The following EPG5 variants were observed in gnomAD, a reference collection of about 807,000 sequenced individuals.
EPG5 encodes ectopic P granules protein 5 homolog.
EPG5 carries 159 observed loss-of-function variants against 302.7 expected under a neutral mutation model. The observed-to-expected ratio is 0.53, with a 90% confidence interval of 0.46 to 0.60. The LOEUF is 0.60. Among genes scored for constraint, EPG5 ranks in the 20% least tolerant of loss-of-function variants. EPG5 has a pLI of 0.00. For synonymous variants in EPG5, 1,158 were observed against 1,136.8 expected (o/e 1.02, Z -0.37); for missense variants, 2,896 against 3,092.4 (o/e 0.94, Z 1.51).
At position 45,915,584 on chromosome 18, in the gene EPG5, G is replaced by A; in HGVS notation, c.3620C>T (p.Ser1207Leu). The A allele has an allele frequency of 6.2e-7, 1 of 1,614,186 alleles. No individual in the cohort carries two copies. Among genetic ancestry groups the A allele is most frequent in the Non-Finnish European group, 8.5e-7 (1 of 1,180,030 alleles). Residue 1207 changes from serine to leucine, a missense_variant, in exon 20 of 44, where the codon TCA (serine) becomes TTA (leucine). Ser to Leu is a moderately radical substitution (Grantham distance 145). Around this residue, in one of 5 missense-constraint regions of EPG5, gnomAD observed 1,390 missense variants for 1,430.0 expected, o/e 0.97. Transcript: ENST00000282041. ...LGYHCDRSLLSSLVSWIVAGN... is the reference protein window; with the variant it reads ...LGYHCDRSLLLSLVSWIVAGN... Reference sequence around the variant, plus strand: ...TGCCACAATCCAGCTTACCAAAGATGAGAGCAGACTCCGGTCACAGTGGTA... The same window carrying A: ...TGCCACAATCCAGCTTACCAAAGATAAGAGCAGACTCCGGTCACAGTGGTA...
intron 25 of EPG5, among the ~76,000 whole-genome samples, chr18:45,902,398 C>T (rs1568136700): frequency 6.6e-6 from 1 of 152,098 alleles, no homozygotes; most frequent in Non-Finnish European, 1.5e-5. Context: ...TTTCAAGCAA[C>T]ATAAGAGGCC....
chr18:45,838,784 C>T, the EPG5 span: 3 of 1,568,052 alleles, frequency 1.9e-6, no homozygotes, highest in Non-Finnish European at 1.7e-6. Context: ...GCGCTCTGCA[C>T]TGCCGAAGGG....
chr18:45,831,588 T>C, the EPG5 span, among the ~76,000 whole-genome samples: 1 of 152,204 alleles, frequency 6.6e-6, no homozygotes, highest in Non-Finnish European at 1.5e-5. Flanking sequence ...CTCTAGCACA[T>C]GGTAAACTCT....
chr18:45,803,650 A>T, the EPG5 span, among the ~76,000 whole-genome samples: 1 of 152,314 alleles, frequency 6.6e-6, no homozygotes, highest in African/African-American at 2.4e-5. Context: ...AATTCCATGT[A>T]TAAAGTCTGC....
chr18:45,845,890 A>T (rs2048359401), downstream of EPG5, among the ~76,000 whole-genome samples: 1 of 152,160 alleles, frequency 6.6e-6, no homozygotes, highest in Non-Finnish European at 1.5e-5. Flanking sequence ...TGCCAACTGA[A>T]ATTTAAAACT....
chr18:45,814,980 C>A, the EPG5 span, among the ~76,000 whole-genome samples: 3 of 152,174 alleles, frequency 2.0e-5, no homozygotes, highest in Non-Finnish European at 4.4e-5. Flanking sequence ...TTTATTTTCA[C>A]CCTTCTCAGT....
the EPG5 span, among the ~76,000 whole-genome samples, chr18:45,832,146 T>C: frequency 2.0e-5 from 3 of 152,354 alleles, no homozygotes; most frequent in Middle Eastern, 3.4e-3. Flanking sequence ...GCATTTGCTG[T>C]GTGTGAGGCA....
intron 40 of EPG5, among the ~76,000 whole-genome samples, chr18:45,859,164 C>T (rs2048580672): frequency 1.3e-5 from 2 of 152,256 alleles, no homozygotes; most frequent in Admixed American, 1.3e-4. Context: ...TTTTTAAGAA[C>T]ATATGAACAC....
Position 45,946,749 on chromosome 18 carries a change from A to T in EPG5, c.1591T>A (p.Cys531Ser). ...SPVKNRAEFMCHMKPSERKPS... is the reference protein window; with the variant it reads ...SPVKNRAEFMSHMKPSERKPS... ...TTCCGCTCGCTGGGCTTCATGTGGC[A>T]CATAAACTCAGCTCGATTTCTAAAG... Residue 531 changes from cysteine to serine, a missense_variant, in exon 7 of 44, where the codon TGC becomes AGC. Physicochemically the swap from Cys to Ser is moderately radical, Grantham distance 112 (BLOSUM62 -1). This residue lies in a region of EPG5 where 1,390 missense variants were observed against 1,430.0 expected (regional missense o/e 0.97). Coordinates refer to ENST00000282041, the MANE Select transcript of EPG5 (RefSeq NM_020964.3). The T allele has an allele frequency of 1.2e-6, 2 of 1,614,186 alleles. No individual in the cohort carries two copies. Among genetic ancestry groups the T allele is most frequent in the Non-Finnish European group, 8.5e-7 (1 of 1,180,012 alleles).
chr18:45,966,389 A>C (rs1229669449), intron 1 of EPG5, among the ~76,000 whole-genome samples: 1 of 148,508 alleles, frequency 6.7e-6, no homozygotes, highest in African/African-American at 2.6e-5. Flanking sequence ...AAAAAAAAAA[A>C]AAATACATAT....
chr18:45,812,677 C>A, the EPG5 span, among the ~76,000 whole-genome samples: 39 of 152,144 alleles, frequency 2.6e-4, no homozygotes, highest in Admixed American at 6.5e-5. Flanking sequence ...GAAAGGATTC[C>A]CTATTTAATA....
At chr18:45,868,809 A>G (rs948536692) in intron 36 of EPG5, among the ~76,000 whole-genome samples, 47 of 152,016 alleles carry the variant, frequency 3.1e-4, no homozygotes, top group African/African-American at 1.1e-3. Flanking sequence ...TAATCCCAGC[A>G]CTTTGGGAGG....
intron 28 of EPG5, among the ~76,000 whole-genome samples, chr18:45,888,313 A>ATT (rs199641660): frequency 2.3e-4 from 35 of 150,342 alleles, no homozygotes; most frequent in African/African-American, 8.3e-4. Flanking sequence ...TTATTTATTT[A>ATT]TTTATTTTTT....
rs190407552 is a variant in EPG5, at chr18:45,961,635, C to T, written c.63+5542G>A. Among the ~76,000 whole-genome samples, 25 of 152,186 alleles carry T rather than the reference C, an allele frequency of 1.6e-4. No homozygotes were observed. In the East Asian group the frequency reaches 2.5e-3, roughly 15 times the overall value. On this transcript the variant is annotated intron_variant, in intron 1 of 43. Transcript: ENST00000282041. Reference sequence around the variant, plus strand: ...CAGCACTTTGGGAGGCCAAGGTAGGCGGATCACCTGAGGTCAGGAGTTCGA... The same window carrying T: ...CAGCACTTTGGGAGGCCAAGGTAGGTGGATCACCTGAGGTCAGGAGTTCGA...
intron 25 of EPG5, among the ~76,000 whole-genome samples, chr18:45,901,808 T>A (rs1034580722): frequency 6.6e-6 from 1 of 151,690 alleles, no homozygotes; most frequent in Non-Finnish European, 1.5e-5. Context: ...AAGGTGAATC[T>A]CTACCATGCA....
At chr18:45,895,101 G>A (rs1289395989) in intron 27 of EPG5, among the ~76,000 whole-genome samples, 1 of 152,162 alleles carries the variant, frequency 6.6e-6, no homozygotes, top group Non-Finnish European at 1.5e-5. Context: ...CCATTTCAGA[G>A]GCAGAACCAA....
chr18:45,826,055 G>C, the EPG5 span, among the ~76,000 whole-genome samples: 2 of 152,168 alleles, frequency 1.3e-5, no homozygotes. Context: ...CCATTGCTGC[G>C]AGCATCCAGA....
chr18:45,966,353 G>A lies in EPG5; in HGVS notation c.63+824C>T, dbSNP rs550262202. Among the ~76,000 whole-genome samples the A allele has an allele frequency of 2.2e-4, 32 of 145,412 alleles. No homozygotes were observed. In the South Asian group the frequency reaches 6.8e-3, roughly 31 times the overall value. On this transcript the variant is annotated intron_variant, in intron 1 of 43. Coordinates refer to ENST00000282041, the MANE Select transcript of EPG5 (RefSeq NM_020964.3). ...ATCGCGCCACTGCACTCCGGCCTGG[G>A]CGACAGAGCAAGACTCTGTCTCAAA...
the EPG5 span, among the ~76,000 whole-genome samples, chr18:45,806,392 G>A: frequency 6.6e-6 from 1 of 152,146 alleles, no homozygotes; most frequent in Non-Finnish European, 1.5e-5. Context: ...AGCAGCATGT[G>A]GAGGCTTGCA....
Sources: gnomAD v4.1 joint callset for allele counts (sites outside exome capture counted in the v4.1 genomes callset) on GRCh38, gnomAD v4.1.1 for gene constraint, gnomAD v4.1.1 regional missense constraint, MANE v1.5 for transcripts, NCBI Gene and HGNC (gene_info 2026-07-23, HGNC 2026-07-21) for gene names.